Variants in NEGR1 observed in about 807,000 individuals in gnomAD.
The protein encoded by NEGR1 is neuronal growth regulator 1.
A neutral mutation model predicts 40.9 loss-of-function variants in NEGR1; 10 were observed. The observed-to-expected ratio is 0.24, with a 90% confidence interval of 0.15 to 0.42. The LOEUF is 0.42. Among genes scored for constraint, NEGR1 ranks in the 10% least tolerant of loss-of-function variants. The pLI, the probability that NEGR1 is intolerant of heterozygous loss-of-function variation, is 1.00. For synonymous variants in NEGR1, 185 were observed against 166.8 expected (o/e 1.11, Z -0.84); for missense variants, 352 against 438.9 (o/e 0.80, Z 1.77).
chr1:71,875,165 A>C (rs1363082512), intron 2 of NEGR1, among the ~76,000 whole-genome samples: 2 of 152,130 alleles, frequency 1.3e-5, no homozygotes, highest in Non-Finnish European at 2.9e-5. Context: ...CGTTTCTATA[A>C]AAGTATACTT....
chr1:72,248,631 G>T (rs1047345827), intron 1 of NEGR1, among the ~76,000 whole-genome samples: 3 of 138,000 alleles, frequency 2.2e-5, no homozygotes, highest in Non-Finnish European at 4.8e-5. Flanking sequence ...ACAGAGTCTC[G>T]CTCTGTTGCC....
chr1:72,193,881 T>C (rs1386126167), intron 1 of NEGR1, among the ~76,000 whole-genome samples: 1 of 151,738 alleles, frequency 6.6e-6, no homozygotes, highest in Admixed American at 6.6e-5. Context: ...GACTTAGCCC[T>C]ATAGATTAAC....
Position 71,785,075 on chromosome 1 carries a change from A to G in NEGR1, c.410-8778T>C, listed in dbSNP as rs12062084. On this transcript the variant is annotated intron_variant, in intron 2 of 6. Transcript: ENST00000357731. ...TGCACATGAGTGTTTATACACCAGA[A>G]TTCAAATCACTGCTGTACCTCAGGC... Among the ~76,000 whole-genome samples, 1,422 of 152,308 alleles carry G rather than the reference A, an allele frequency of 9.3e-3. 22 individuals are homozygous for G. Among genetic ancestry groups the G allele is most frequent in the African/African-American group, 0.033 (1,360 of 41,560 alleles).
At chr1:71,668,552 C>CT (rs2101597175) in intron 4 of NEGR1, among the ~76,000 whole-genome samples, 1 of 152,144 alleles carries the variant, frequency 6.6e-6, no homozygotes, top group South Asian at 2.1e-4. Flanking sequence ...TTCATTGGTA[C>CT]TGGAAATAGC....
rs3061582 is a variant in NEGR1 at position 71,935,524 on chromosome 1, A to AGT, written c.177-215_177-214dup. 2.6e-3 allele frequency among the ~76,000 whole-genome samples: 395 copies of AGT among 149,380 alleles called. 1 individual carries two copies. The highest frequency in any genetic ancestry group is 0.01 in the Middle Eastern group (3 of 292). The stretch of plus-strand genomic sequence containing the variant: ...TTGTGTACAGTTTTTTTAAGTGTGT[A>AGT]GTGTGTGTGTGTGTGTGTGTGTGCA... On this transcript the variant is annotated intron_variant, in intron 1 of 6. Transcript: ENST00000357731.
chr1:71,584,303 A>G (rs907420027), intron 6 of NEGR1, among the ~76,000 whole-genome samples: 2 of 152,160 alleles, frequency 1.3e-5, no homozygotes, highest in African/African-American at 4.8e-5. Flanking sequence ...AGAGTGGCCC[A>G]CTGAAATATT....
chr1:71,957,338 T>A (rs1375422304), intron 1 of NEGR1, among the ~76,000 whole-genome samples: 1 of 152,134 alleles, frequency 6.6e-6, no homozygotes, highest in Non-Finnish European at 1.5e-5. Flanking sequence ...TTGCTTCTAT[T>A]CAGGTAAAGT....
chr1:71,434,874 G>A (rs1393103092), intron 6 of NEGR1, among the ~76,000 whole-genome samples: 4 of 152,216 alleles, frequency 2.6e-5, no homozygotes, highest in African/African-American at 7.2e-5. Flanking sequence ...GGCGGATCAC[G>A]AGGTCAGGAG....
chr1:71,804,419 A>G (rs1014422867), intron 2 of NEGR1, among the ~76,000 whole-genome samples: 2 of 152,118 alleles, frequency 1.3e-5, no homozygotes, highest in African/African-American at 4.8e-5. Context: ...ATACGTAGAC[A>G]CCAGCCAGTT....
chr1:71,948,130 G>T (rs1646037833), intron 1 of NEGR1, among the ~76,000 whole-genome samples: 1 of 152,044 alleles, frequency 6.6e-6, no homozygotes, highest in South Asian at 2.1e-4. Context: ...ATCTTGTGTA[G>T]ATTTAAAGTT....
intron 1 of NEGR1, among the ~76,000 whole-genome samples, chr1:72,139,180 G>A (rs1345371364): frequency 6.7e-6 from 1 of 150,286 alleles, no homozygotes; most frequent in Admixed American, 6.6e-5. Flanking sequence ...AGCATTAATG[G>A]CCTAGATTAG....
At chr1:71,841,524 A>G (rs1305385228) in intron 2 of NEGR1, among the ~76,000 whole-genome samples, 1 of 152,040 alleles carries the variant, frequency 6.6e-6, no homozygotes, top group Non-Finnish European at 1.5e-5. Flanking sequence ...CTTTTCAGTT[A>G]TGTTTGTACA....
At chr1:71,791,631 C>A (rs1164238971) in intron 2 of NEGR1, among the ~76,000 whole-genome samples, 1 of 151,876 alleles carries the variant, frequency 6.6e-6, no homozygotes, top group Non-Finnish European at 1.5e-5. Context: ...ATATTGAGAT[C>A]ATGAAGAGGA....
At position 71,396,577 on chromosome 1, in the gene NEGR1, C is replaced by T. The variant is rs1646213045; in HGVS notation, c.*10869G>A. 6.6e-6 allele frequency: 1 copy of T among 152,206 alleles called. No individual in the cohort carries two copies. The highest frequency in any genetic ancestry group is 1.5e-5 in the Non-Finnish European group (1 of 68,044). 9.4% of individuals were successfully genotyped at this position (152,206 alleles called of 1,614,324 possible). A position where few individuals can be genotyped will look rare whatever the true frequency, so the allele number is the denominator to read the frequency against. ...GATATTGTTTGGCCATGTCCCCACA[C>T]AAATCTCATTTTGAATTCCCACATA... is the stretch of plus-strand genomic sequence containing the variant. On this transcript the variant is annotated 3_prime_UTR_variant, in exon 7 of 7. Coordinates refer to ENST00000357731, the MANE Select transcript of NEGR1 (RefSeq NM_173808.3).
At chr1:71,638,545 C>T (rs996293360) in intron 4 of NEGR1, among the ~76,000 whole-genome samples, 2 of 152,070 alleles carry the variant, frequency 1.3e-5, no homozygotes, top group Non-Finnish European at 2.9e-5. Context: ...GTGATAGGGA[C>T]ATCAATTGAG....
chr1:71,728,917 G>A (rs1396549566), intron 3 of NEGR1, among the ~76,000 whole-genome samples: 2 of 152,108 alleles, frequency 1.3e-5, no homozygotes, highest in Non-Finnish European at 2.9e-5. Context: ...AGGGAGCTAG[G>A]AGCAGGCATT....
In NEGR1 at chr1:72,099,952, C is replaced by T. The variant is rs573437049; in HGVS notation, c.177-164641G>A. On this transcript the variant is annotated intron_variant, in intron 1 of 6. Coordinates refer to ENST00000357731, the MANE Select transcript of NEGR1 (RefSeq NM_173808.3). ...GTAGAATCCAATCTTAAGTGGCAAA[C>T]ATTCTTATATTTAACCATTGCATGA... Among the ~76,000 whole-genome samples the T allele has an allele frequency of 2.6e-5, 4 of 151,912 alleles. No individual in the cohort carries two copies. In the South Asian group the frequency reaches 6.2e-4, roughly 24 times the overall value.
chr1:72,092,557 G>T (rs939851720), intron 1 of NEGR1, among the ~76,000 whole-genome samples: 1 of 152,094 alleles, frequency 6.6e-6, no homozygotes, highest in Non-Finnish European at 1.5e-5. Flanking sequence ...ACGAGTCAAA[G>T]GTAATCATGT....
intron 1 of NEGR1, among the ~76,000 whole-genome samples, chr1:72,146,277 C>T (rs150777612): frequency 1.8e-4 from 28 of 152,248 alleles, no homozygotes; most frequent in African/African-American, 6.5e-4. Context: ...AGCCTGCCAT[C>T]GTCTGTTGTT....
Sources: allele counts gnomAD v4.1 joint callset (sites outside exome capture counted in the v4.1 genomes callset), GRCh38; gene constraint gnomAD v4.1.1; transcripts MANE v1.5; gene names NCBI Gene and HGNC (gene_info 2026-07-23, HGNC 2026-07-21).